The following MAF variants were observed in gnomAD, a reference collection of about 807,000 sequenced individuals.
MAF encodes the protein transcription factor Maf.
Under a neutral mutation model 22.0 loss-of-function variants are expected in MAF, and 10 were observed. The ratio of observed to expected loss-of-function variants is 0.45; its 90% CI spans 0.28 to 0.77. The LOEUF is 0.77. Ranked by LOEUF, MAF falls within the 30% of genes least tolerant of loss-of-function variation. MAF has a pLI of 0.12. For synonymous variants in MAF, 337 were observed against 255.8 expected (o/e 1.32, Z -3.03); for missense variants, 544 against 548.4 (o/e 0.99, Z 0.08).
chr16:79,301,793 G>A, the MAF span, among the ~76,000 whole-genome samples: 2 of 152,186 alleles, frequency 1.3e-5, no homozygotes, highest in Non-Finnish European at 2.9e-5. Flanking sequence ...TGGGTATGAT[G>A]CTATAGGCTT....
the MAF span, chr16:79,212,064 T>C: frequency 0.6 from 922,296 of 1,535,812 alleles, 284,039 homozygotes; most frequent in Non-Finnish European, 0.64. Context: ...ACCTGCTTGG[T>C]GTGTAGGTTC....
the MAF span, among the ~76,000 whole-genome samples, chr16:79,207,774 T>C: frequency 7.4e-6 from 1 of 135,332 alleles, no homozygotes; most frequent in African/African-American, 2.6e-5. Flanking sequence ...ATTACAAATA[T>C]CAATATGTGG....
At chr16:79,425,348 G>A in the MAF span, among the ~76,000 whole-genome samples, 1 of 151,998 alleles carries the variant, frequency 6.6e-6, no homozygotes, top group Non-Finnish European at 1.5e-5. Flanking sequence ...TATCTGGAGT[G>A]TGGCCTCTAT....
the MAF span, among the ~76,000 whole-genome samples, chr16:79,331,775 G>A: frequency 6.6e-6 from 1 of 152,052 alleles, no homozygotes; most frequent in South Asian, 2.1e-4. Flanking sequence ...TGCCACTGTG[G>A]CCTCATTCCC....
chr16:79,502,684 AATATAAAT>A, the MAF span, among the ~76,000 whole-genome samples: 65 of 17,746 alleles, frequency 3.7e-3, 2 homozygotes, highest in African/African-American at 6.9e-3. Context: ...AATAAATATA[AATATAAAT>A]ATAAATATAA....
chr16:79,209,047 G>T, the MAF span, among the ~76,000 whole-genome samples: 1 of 151,956 alleles, frequency 6.6e-6, no homozygotes, highest in African/African-American at 2.4e-5. Context: ...TGTGTACTGT[G>T]TTCTACAAAG....
At chr16:79,294,210 G>T in the MAF span, among the ~76,000 whole-genome samples, 1 of 152,182 alleles carries the variant, frequency 6.6e-6, no homozygotes, top group East Asian at 1.9e-4. Context: ...GAGCTCCTGA[G>T]TCATGCAATC....
At chr16:79,206,386 C>T in the MAF span, 2 of 152,196 alleles carry the variant, frequency 1.3e-5, no homozygotes, top group African/African-American at 2.4e-5. Context: ...GTCACTCACT[C>T]TACGTAATTA....
At chr16:79,233,378 G>C in the MAF span, among the ~76,000 whole-genome samples, 1 of 152,008 alleles carries the variant, frequency 6.6e-6, no homozygotes, top group East Asian at 1.9e-4. Flanking sequence ...AGGGCCCCTT[G>C]TGCAACTGCA....
At chr16:79,498,685 G>C in the MAF span, among the ~76,000 whole-genome samples, 1 of 152,186 alleles carries the variant, frequency 6.6e-6, no homozygotes, top group African/African-American at 2.4e-5. Flanking sequence ...CATATGCCTG[G>C]TTAGTGGAAG....
chr16:79,545,212 A>G, the MAF span, among the ~76,000 whole-genome samples: 1 of 152,216 alleles, frequency 6.6e-6, no homozygotes. Context: ...CAGAACATGC[A>G]TTACAAAGTA....
the MAF span, among the ~76,000 whole-genome samples, chr16:79,443,706 C>G: frequency 6.6e-6 from 1 of 152,206 alleles, no homozygotes; most frequent in South Asian, 2.1e-4. Flanking sequence ...AGACAGGCAT[C>G]CGACTTGTTC....
chr16:79,597,767 A>G (rs895339228), intron 1 of MAF: 1 of 1,022,256 alleles, frequency 9.8e-7, no homozygotes, highest in African/African-American at 1.7e-5. Flanking sequence ...AAAAAGGAAA[A>G]AATAATTATA....
the MAF span, among the ~76,000 whole-genome samples, chr16:79,517,574 T>G: frequency 1.8e-4 from 2 of 10,960 alleles, no homozygotes; most frequent in Non-Finnish European, 2.7e-4. Flanking sequence ...TAGTCTTTTT[T>G]TTTTTTTTTT....
the MAF span, among the ~76,000 whole-genome samples, chr16:79,233,621 G>A: frequency 1.3e-5 from 2 of 152,092 alleles, no homozygotes; most frequent in Non-Finnish European, 2.9e-5. Context: ...GTCCCACTGG[G>A]AGGTGATGGG....
the MAF span, chr16:79,213,030 G>GTGATTGAT: frequency 4.1e-4 from 63 of 151,998 alleles, no homozygotes; most frequent in African/African-American, 1.1e-3. Context: ...CAAGTACTTA[G>GTGATTGAT]TGATTAGCGG....
At chr16:79,461,047 A>G in the MAF span, among the ~76,000 whole-genome samples, 2 of 152,208 alleles carry the variant, frequency 1.3e-5, no homozygotes, top group Non-Finnish European at 2.9e-5. Flanking sequence ...AAACACATGT[A>G]TTTGTGAACT....
chr16:79,510,730 G>A, the MAF span, among the ~76,000 whole-genome samples: 5 of 152,180 alleles, frequency 3.3e-5, no homozygotes, highest in Non-Finnish European at 7.3e-5. Context: ...TGCTGTAGCT[G>A]TCTTGACATT....
chr16:79,453,455 G>A, the MAF span, among the ~76,000 whole-genome samples: 1 of 152,132 alleles, frequency 6.6e-6, no homozygotes, highest in African/African-American at 2.4e-5. Flanking sequence ...CATCAGCAAG[G>A]AAGCAATGTA....
Sources: allele counts gnomAD v4.1 joint callset (sites outside exome capture counted in the v4.1 genomes callset), GRCh38; gene constraint gnomAD v4.1.1; transcripts MANE v1.5; gene names NCBI Gene and HGNC (gene_info 2026-07-23, HGNC 2026-07-21).